CLTC: variants seen among roughly 807,000 people sequenced by gnomAD.
CLTC encodes the protein clathrin heavy chain 1.
CLTC carries 16 observed loss-of-function variants against 195.8 expected under a neutral mutation model. The observed-to-expected ratio is 0.08, with a 90% CI of 0.06 to 0.12. The LOEUF (loss-of-function observed/expected upper bound fraction) is 0.12. Ranked by LOEUF, CLTC falls within the 10% of genes least tolerant of loss-of-function variation. The pLI is 1.00. For synonymous variants in CLTC, 667 were observed against 689.4 expected (o/e 0.97, Z 0.51); for missense variants, 796 against 2,027.0 (o/e 0.39, Z 11.66).
chr17:59,633,493 A>T (rs1043508065), intron 1 of CLTC, among the ~76,000 whole-genome samples: 1 of 152,156 alleles, frequency 6.6e-6, no homozygotes, highest in Non-Finnish European at 1.5e-5. Flanking sequence ...ACTCCATCTC[A>T]AAAAAAGAAA....
In CLTC at chr17:59,685,945, G is replaced by A. The variant is rs1200601449; in HGVS notation, c.4827+137G>A. 5 of 680,630 alleles carry A rather than the reference G, an allele frequency of 7.3e-6. No homozygotes were observed. In the Admixed American group the frequency reaches 1.0e-4, roughly 14 times the overall value. 42.2% of individuals were successfully genotyped at this position (680,630 alleles called of 1,614,324 possible). A position where few individuals can be genotyped will look rare whatever the true frequency, so the allele number is the denominator to read the frequency against. On this transcript the variant is annotated intron_variant, in intron 30 of 31. Transcript: ENST00000269122. This position sits in a 1 kb window ranked among gnomAD's most constrained non-coding sequence, Gnocchi z 5.0. ...GATCATAAAATATTCCTGTTCTTTT[G>A]AAATTTTTTTTTAATAGCTGACAAA...
chr17:59,639,185 G>A (rs1683433274), intron 1 of CLTC, among the ~76,000 whole-genome samples: 2 of 152,082 alleles, frequency 1.3e-5, no homozygotes, highest in African/African-American at 4.8e-5. Context: ...CCATTCTGTT[G>A]GAAAAGGGCG....
At chr17:59,641,616 A>AG (rs937838815) in intron 1 of CLTC, among the ~76,000 whole-genome samples, 1 of 151,110 alleles carries the variant, frequency 6.6e-6, no homozygotes, top group Non-Finnish European at 1.5e-5. Context: ...AAAAAAAAAA[A>AG]AAAAAAAAAA....
At chr17:59,652,080 A>C (rs1009536469) in intron 5 of CLTC, among the ~76,000 whole-genome samples, 24 of 152,236 alleles carry the variant, frequency 1.6e-4, no homozygotes, top group African/African-American at 5.8e-4. Context: ...CCCATCCTTA[A>C]GAAGCAGCTC....
chr17:59,629,274 A>G (rs1353423817), intron 1 of CLTC, among the ~76,000 whole-genome samples: 1 of 152,128 alleles, frequency 6.6e-6, no homozygotes, highest in Non-Finnish European at 1.5e-5. Flanking sequence ...TCTCCTTATT[A>G]AAAGCCTTAC....
At chr17:59,636,816 G>T (rs532178838) in intron 1 of CLTC, among the ~76,000 whole-genome samples, 61 of 152,182 alleles carry the variant, frequency 4.0e-4, no homozygotes, top group African/African-American at 1.3e-3. Context: ...AGGCTGGAGT[G>T]CAATGGCACG....
chr17:59,684,114 T>G, intron 28 of CLTC, 129 bp downstream of exon 28: 1 of 618,246 alleles, frequency 1.6e-6, no homozygotes, highest in Non-Finnish European at 2.8e-6. Context: ...CTAAATTTAG[T>G]AAGATTTCAG....
Position 59,693,941 on chromosome 17 carries a change from A to C in CLTC, c.*89A>C. The C allele has an allele frequency of 7.4e-7, 1 of 1,350,856 alleles. No homozygotes were observed. The highest frequency in any genetic ancestry group is 1.7e-5 in the South Asian group (1 of 59,626). 83.7% of individuals were successfully genotyped at this position (1,350,856 alleles called of 1,614,324 possible). A position where few individuals can be genotyped will look rare whatever the true frequency, so the allele number is the denominator to read the frequency against. On this transcript the variant is annotated 3_prime_UTR_variant, in exon 32 of 32. Transcript: ENST00000269122. The stretch of plus-strand genomic sequence containing the variant: ...AGTTTATAATGGGGGAAAACAGGCA[A>C]CGTGTTCTTGTAACCTTTATTTCAT...
intron 15 of CLTC, 58 bp downstream of exon 15, chr17:59,673,830 A>C: frequency 1.1e-6 from 1 of 886,858 alleles, no homozygotes; most frequent in South Asian, 1.7e-5. Context: ...TATTTCTCAT[A>C]TTCTGGAAAT....
intron 1 of CLTC, among the ~76,000 whole-genome samples, chr17:59,638,631 A>G (rs1266767027): frequency 1.3e-5 from 2 of 152,100 alleles, no homozygotes; most frequent in African/African-American, 2.4e-5. Flanking sequence ...TTAGATTCTC[A>G]TAAGGAGTGA....
At chr17:59,664,139 C>T (rs2032670535) in intron 9 of CLTC, 145 bp downstream of exon 9, 3 of 693,666 alleles carry the variant, frequency 4.3e-6, no homozygotes, top group Non-Finnish European at 6.9e-6. Context: ...TCTTACCCCT[C>T]ATATCAAATT....
intron 1 of CLTC, among the ~76,000 whole-genome samples, chr17:59,638,893 C>T (rs909280281): frequency 2.6e-5 from 4 of 152,284 alleles, no homozygotes; most frequent in Non-Finnish European, 4.4e-5. Flanking sequence ...CTACCTTTTA[C>T]TCCCCACCTC....
At chr17:59,680,834 T>C (rs1475879845) in intron 18 of CLTC, 78 bp from the exon 19 acceptor site, 2 of 1,229,092 alleles carry the variant, frequency 1.6e-6, no homozygotes, top group African/African-American at 3.1e-5. Context: ...TATTTCAAGT[T>C]TTCTAATGAG....
At chr17:59,647,895 C>T (rs1203811925) in intron 3 of CLTC, among the ~76,000 whole-genome samples, 1 of 152,036 alleles carries the variant, frequency 6.6e-6, no homozygotes, top group African/African-American at 2.4e-5. Flanking sequence ...AATGCTCTTA[C>T]CAAGCGTTTT....
intron 7 of CLTC, among the ~76,000 whole-genome samples, chr17:59,661,202 G>A (rs2032600159): frequency 6.7e-6 from 1 of 150,148 alleles, no homozygotes; most frequent in Admixed American, 6.6e-5. Flanking sequence ...TCCAAATTCT[G>A]GATAATCTTA....
intron 1 of CLTC, among the ~76,000 whole-genome samples, chr17:59,638,583 C>T (rs1403865821): frequency 6.6e-6 from 1 of 152,052 alleles, no homozygotes; most frequent in Admixed American, 6.6e-5. Context: ...GGGATGGTCT[C>T]AGATGAAATT....
chr17:59,681,197 C>T lies in CLTC; in HGVS notation c.3066-98C>T. ...TCTAATATCCTCCCCCCTACCCTAC[C>T]TCTTGAGACAAAAACCTCTCCGTTA... is the stretch of plus-strand genomic sequence containing the variant. On this transcript the variant is annotated intron_variant, in intron 19 of 31. Transcript: ENST00000269122. The surrounding 1 kb of genome is among the most constrained non-coding windows in gnomAD (Gnocchi z 5.0). 1 of 1,453,554 alleles carries T rather than the reference C, an allele frequency of 6.9e-7. No homozygotes were observed. The highest frequency in any genetic ancestry group is 1.8e-4 in the Middle Eastern group (1 of 5,518). 90.0% of individuals were successfully genotyped at this position (1,453,554 alleles called of 1,614,324 possible). A position where few individuals can be genotyped will look rare whatever the true frequency, so the allele number is the denominator to read the frequency against.
Position 59,655,836 on chromosome 17 carries a change from T to G in CLTC, c.796-18T>G. 1 of 1,516,178 alleles carries G rather than the reference T, an allele frequency of 6.6e-7. No homozygotes were observed. Among genetic ancestry groups the G allele is most frequent in the Non-Finnish European group, 8.8e-7 (1 of 1,136,744 alleles). The allele number at this position is 1,516,178 out of a possible 1,614,324, so 93.9% of individuals were successfully genotyped here. On this transcript the variant is annotated intron_variant, in intron 5 of 31. Coordinates refer to ENST00000269122, the MANE Select transcript of CLTC (RefSeq NM_004859.4). Reference sequence around the variant, plus strand: ...GTAGATTCATTATTTTACTAAAGTGTTGATTTTCTTTCTGTAGATCAGTGA... The same window carrying G: ...GTAGATTCATTATTTTACTAAAGTGGTGATTTTCTTTCTGTAGATCAGTGA...
At chr17:59,644,641 C>A (rs144525604) in intron 2 of CLTC, 158 bp downstream of exon 2, 14 of 628,072 alleles carry the variant, frequency 2.2e-5, no homozygotes, top group Middle Eastern at 4.4e-4. Flanking sequence ...ATCTCCACCC[C>A]CCAGGTTCAA....
Sources: gnomAD v4.1 joint callset for allele counts (sites outside exome capture counted in the v4.1 genomes callset) on GRCh38, gnomAD v4.1.1 for gene constraint, Gnocchi (gnomAD v3.1) non-coding constraint, MANE v1.5 for transcripts, NCBI Gene and HGNC (gene_info 2026-07-23, HGNC 2026-07-21) for gene names.